BCAS3: variants seen among roughly 807,000 people sequenced by gnomAD.
BCAS3 encodes BCAS4/BCAS3 fusion.
Under a neutral mutation model 116.1 loss-of-function variants are expected in BCAS3, and 53 were observed. That is an observed-to-expected ratio of 0.46 (90% CI 0.37 to 0.57). The LOEUF (loss-of-function observed/expected upper bound fraction) is 0.57, where lower values mean the gene tolerates loss of function less well. Ranked by LOEUF, BCAS3 falls within the 20% of genes least tolerant of loss-of-function variation. The pLI is 0.00. For synonymous variants in BCAS3, 391 were observed against 408.2 expected (o/e 0.96, Z 0.51); for missense variants, 917 against 1,165.4 (o/e 0.79, Z 3.10).
At chr17:61,287,877 G>A (rs940347865) in intron 22 of BCAS3, among the ~76,000 whole-genome samples, 11 of 152,152 alleles carry the variant, frequency 7.2e-5, no homozygotes, top group African/African-American at 2.7e-4. Context: ...AAGTATTTTT[G>A]TTCATTTTCT....
At chr17:60,910,814 A>T (rs980116724) in intron 12 of BCAS3, 112 bp downstream of exon 12, 3 of 982,846 alleles carry the variant, frequency 3.1e-6, no homozygotes, top group South Asian at 2.3e-5. Context: ...GAATTTTAGG[A>T]ATTCAGATTA....
rs1413932004 is a variant in BCAS3, at chr17:61,354,868, C to G, written c.2426-13459C>G. 6.6e-6 allele frequency: 1 copy of G among 152,250 alleles called. No homozygotes were observed. The highest frequency in any genetic ancestry group is 6.5e-5 in the Admixed American group (1 of 15,286). The allele number at this position is 152,250 out of a possible 1,614,324, so 9.4% of individuals were successfully genotyped here. A position where few individuals can be genotyped will look rare whatever the true frequency, so the allele number is the denominator to read the frequency against. Reference sequence around the variant, plus strand: ...AGCTAAAAATGGGTCAGGTATCAAACGGGTCAACTCCAGTACCGGCAGGCA... The same window carrying G: ...AGCTAAAAATGGGTCAGGTATCAAAGGGGTCAACTCCAGTACCGGCAGGCA... On this transcript the variant is annotated intron_variant, in intron 22 of 23. Coordinates refer to ENST00000407086, the MANE Select transcript of BCAS3 (RefSeq NM_017679.5). The surrounding 1 kb of genome is among the most constrained non-coding windows in gnomAD (Gnocchi z 4.5).
intron 18 of BCAS3, 121 bp downstream of exon 18, chr17:61,038,175 G>T: frequency 1.2e-6 from 1 of 840,138 alleles, no homozygotes; most frequent in East Asian, 2.8e-5. Context: ...CAATTAACAT[G>T]GTAAACAAAT....
Position 61,026,200 on chromosome 17 carries a change from C to T in BCAS3, c.1638-8466C>T, listed in dbSNP as rs16944743. ...AAGTGATTGTAGCTTTAGTTTGCTGCGTACTAACCTAATCTAGTGCAGACC... is the reference window on the plus strand; with the variant it reads ...AAGTGATTGTAGCTTTAGTTTGCTGTGTACTAACCTAATCTAGTGCAGACC... On this transcript the variant is annotated intron_variant, in intron 16 of 23. Coordinates refer to ENST00000407086, the MANE Select transcript of BCAS3 (RefSeq NM_017679.5). This position sits in a 1 kb window ranked among gnomAD's most constrained non-coding sequence, Gnocchi z 5.0. Among the ~76,000 whole-genome samples, 7,849 of 152,068 alleles carry T rather than the reference C, an allele frequency of 0.052. 725 individuals carry two copies. The highest frequency in any genetic ancestry group is 0.18 in the African/African-American group (7,404 of 41,480).
rs1215781491 is a variant in BCAS3 at position 61,235,800 on chromosome 17, TTA to T, written c.2426-132523_2426-132522del. Among the ~76,000 whole-genome samples the T allele has an allele frequency of 6.6e-6, 1 of 152,008 alleles. No individual in the cohort carries two copies. The highest frequency in any genetic ancestry group is 1.5e-5 in the Non-Finnish European group (1 of 68,004). On this transcript the variant is annotated intron_variant, in intron 22 of 23. Transcript: ENST00000407086. This position sits in a 1 kb window ranked among gnomAD's most constrained non-coding sequence, Gnocchi z 5.0. Reference sequence around the variant, plus strand: ...GTGGAGACTGGGGGAAAAGGACTGATTATATGTTAGCTTAACAGTAATACTAG... The same window carrying T: ...GTGGAGACTGGGGGAAAAGGACTGATTATGTTAGCTTAACAGTAATACTAG...
At chr17:61,154,544 TC>T (rs886932977) in intron 22 of BCAS3, among the ~76,000 whole-genome samples, 12 of 152,112 alleles carry the variant, frequency 7.9e-5, no homozygotes, top group African/African-American at 1.4e-4. Flanking sequence ...CAAGCAGTTC[TC>T]CCAACTCAGC....
Position 61,078,439 on chromosome 17 carries a change from G to A in BCAS3, c.2237G>A (p.Ser746Asn), listed in dbSNP as rs558110487. Residue 746 changes from serine (S) to asparagine (N), a missense_variant, in exon 21 of 24, where the codon AGT (serine) becomes AAT (asparagine). Physicochemically the swap from Ser to Asn is conservative, Grantham distance 46. Coordinates refer to ENST00000407086, the MANE Select transcript of BCAS3 (RefSeq NM_017679.5). ...GGCCAAACCACAGTTATCTCATCCA[G>A]TTCATCTGTGTTGCAGTCTCATGGT... ...PSGQTTVISS[S>N]SSVLQSHGPS... 2 of 1,614,152 alleles carry A rather than the reference G, an allele frequency of 1.2e-6. No homozygotes were observed. The highest frequency in any genetic ancestry group is 2.7e-5 in the African/African-American group (2 of 75,034).
intron 22 of BCAS3, among the ~76,000 whole-genome samples, chr17:61,330,560 A>G (rs929384000): frequency 3.3e-5 from 5 of 152,234 alleles, no homozygotes; most frequent in African/African-American, 9.6e-5. Flanking sequence ...CTCTGCGGCC[A>G]GTGGACTAAG....
intron 12 of BCAS3, among the ~76,000 whole-genome samples, chr17:60,917,367 A>C (rs2058827522): frequency 6.6e-6 from 1 of 152,046 alleles, no homozygotes; most frequent in Non-Finnish European, 1.5e-5. Flanking sequence ...CTGTGTTTGA[A>C]TTTGCCTGTT....
intron 22 of BCAS3, among the ~76,000 whole-genome samples, chr17:61,234,978 C>T (rs1341173160): frequency 6.6e-6 from 1 of 152,236 alleles, no homozygotes; most frequent in South Asian, 2.1e-4. Flanking sequence ...ACTTCCACCT[C>T]CTGGGTTCAA....
At chr17:61,272,667 A>AG (rs2050403794) in intron 22 of BCAS3, among the ~76,000 whole-genome samples, 1 of 140,170 alleles carries the variant, frequency 7.1e-6, no homozygotes, top group Admixed American at 7.0e-5. Context: ...AAAAAAAAAA[A>AG]GCAATTTTGA....
In BCAS3 at chr17:60,732,220, G is replaced by T. The variant is rs2040528297; in HGVS notation, c.322-14978G>T. Among the ~76,000 whole-genome samples the T allele has an allele frequency of 2.0e-5, 3 of 152,094 alleles. No homozygotes were observed. In the South Asian group the frequency reaches 6.2e-4, roughly 32 times the overall value. ...AGGATTTTATTGGTGTTACTTTTTA[G>T]CTTTTTAAACTACTGATCTTTTTAA... On this transcript the variant is annotated intron_variant, in intron 5 of 23. Transcript: ENST00000407086.
Position 61,354,988 on chromosome 17 carries a change from C to G in BCAS3, c.2426-13339C>G, listed in dbSNP as rs2058065941. On this transcript the variant is annotated intron_variant, in intron 22 of 23. Coordinates refer to ENST00000407086, the MANE Select transcript of BCAS3 (RefSeq NM_017679.5). This position sits in a 1 kb window ranked among gnomAD's most constrained non-coding sequence, Gnocchi z 4.5. Reference sequence around the variant, plus strand: ...CCTTAGAGGAACAAATAGCCCCTGGCTCCAGATCAGAGCCAGTGTGCCCAC... The same window carrying G: ...CCTTAGAGGAACAAATAGCCCCTGGGTCCAGATCAGAGCCAGTGTGCCCAC... 1 of 152,220 alleles carries G rather than the reference C, an allele frequency of 6.6e-6. No homozygotes were observed. Among genetic ancestry groups the G allele is most frequent in the Non-Finnish European group, 1.5e-5 (1 of 68,070 alleles). The allele number at this position is 152,220 out of a possible 1,614,324, so 9.4% of individuals were successfully genotyped here.
Position 61,200,363 on chromosome 17 carries a change from A to G in BCAS3, c.2425+115799A>G, listed in dbSNP as rs1013981744. On this transcript the variant is annotated intron_variant, in intron 22 of 23. Transcript: ENST00000407086. This position sits in a 1 kb window ranked among gnomAD's most constrained non-coding sequence, Gnocchi z 5.1. ...CTGTTTGATAATAGTGACAACTAAC[A>G]TCAATTTGGCACTTACTATTGACAA... 1.3e-5 allele frequency among the ~76,000 whole-genome samples: 2 copies of G among 152,266 alleles called. No individual in the cohort carries two copies. Among genetic ancestry groups the G allele is most frequent in the African/African-American group, 2.4e-5 (1 of 41,474 alleles).
At chr17:61,263,812 A>G (rs1381765433) in intron 22 of BCAS3, among the ~76,000 whole-genome samples, 2 of 152,264 alleles carry the variant, frequency 1.3e-5, no homozygotes, top group African/African-American at 4.8e-5. Flanking sequence ...ACATATATGT[A>G]GAAACTTGAT....
intron 7 of BCAS3, among the ~76,000 whole-genome samples, chr17:60,837,631 G>T (rs980079709): frequency 6.6e-6 from 1 of 150,814 alleles, no homozygotes; most frequent in Admixed American, 6.6e-5. Flanking sequence ...GTTTAAAATT[G>T]TAAGCAAATA....
chr17:61,310,337 T>C (rs569780212), intron 22 of BCAS3, among the ~76,000 whole-genome samples: 4 of 152,154 alleles, frequency 2.6e-5, no homozygotes, highest in Non-Finnish European at 5.9e-5. Flanking sequence ...GTGGATCACC[T>C]GAGGTCAGGA....
chr17:61,198,063 C>T lies in BCAS3; in HGVS notation c.2425+113499C>T, dbSNP rs1289128891. ...TAGGTCATCTTCATGTTTATATCCACTGAGTCTGGCACATATGAGTACTTA... is the reference window on the plus strand; with the variant it reads ...TAGGTCATCTTCATGTTTATATCCATTGAGTCTGGCACATATGAGTACTTA... On this transcript the variant is annotated intron_variant, in intron 22 of 23. Transcript: ENST00000407086. This position sits in a 1 kb window ranked among gnomAD's most constrained non-coding sequence, Gnocchi z 5.0. Among the ~76,000 whole-genome samples the T allele has an allele frequency of 6.6e-6, 1 of 151,880 alleles. No individual in the cohort carries two copies. Among genetic ancestry groups the T allele is most frequent in the African/African-American group, 2.4e-5 (1 of 41,336 alleles).
In BCAS3 at chr17:61,188,557, A is replaced by G. The variant is rs1558259; in HGVS notation, c.2425+103993A>G. On this transcript the variant is annotated intron_variant, in intron 22 of 23. Coordinates refer to ENST00000407086, the MANE Select transcript of BCAS3 (RefSeq NM_017679.5). This position sits in a 1 kb window ranked among gnomAD's most constrained non-coding sequence, Gnocchi z 4.0. The stretch of plus-strand genomic sequence containing the variant: ...ATTTTACTTACCTTTAAACAACTTT[A>G]TTGTTATTGGTGATTCTCTTTCTTT... Among the ~76,000 whole-genome samples the G allele has an allele frequency of 0.62, 94,903 of 152,102 alleles. 34,216 individuals are homozygous for G. Among genetic ancestry groups the G allele is most frequent in the South Asian group, 0.87 (4,179 of 4,824 alleles).
Sources: gnomAD v4.1 joint callset for allele counts (sites outside exome capture counted in the v4.1 genomes callset) on GRCh38, gnomAD v4.1.1 for gene constraint, Gnocchi (gnomAD v3.1) non-coding constraint, MANE v1.5 for transcripts, NCBI Gene and HGNC (gene_info 2026-07-23, HGNC 2026-07-21) for gene names.